The following SI variants were observed in gnomAD, a reference collection of about 807,000 sequenced individuals.
SI encodes the protein sucrase-isomaltase, intestinal.
Under a neutral mutation model 253.3 loss-of-function variants are expected in SI, and 235 were observed. That is an observed-to-expected ratio of 0.93 (90% CI 0.83 to 1.03). SI has a LOEUF of 1.03. SI is among the 50% of genes least tolerant of loss of function. The probability of loss-of-function intolerance (pLI) is 0.00; values close to 1 mark genes in which losing one functional copy is unlikely to be tolerated. For missense variants in SI, 2,442 were observed against 2,211.1 expected, an observed-to-expected ratio of 1.10 and a Z score of -2.09; for synonymous variants, 819 against 712.0, an observed-to-expected ratio of 1.15 and a Z score of -2.39.
At position 165,046,882 on chromosome 3, in the gene SI, T is replaced by C; in HGVS notation, c.1846A>G (p.Ile616Val). The C allele has an allele frequency of 1.9e-6, 3 of 1,613,356 alleles. No individual in the cohort carries two copies. The highest frequency in any genetic ancestry group is 2.5e-6 in the Non-Finnish European group (3 of 1,179,554). Residue 616 changes from isoleucine (I) to valine (V), a missense_variant, in exon 16 of 48, where the codon ATA becomes GTA. Transcript: ENST00000264382. ...TASWEQMEWS[I>V]TGMLEFSLFG... is the part of the protein sequence containing the mutation. ...AAACTGAACTCCAGCATTCCAGTTA[T>C]AGACCATTCCATTTGTTCCCATGAA...
intron 10 of SI, 33 bp from the exon 11 acceptor site, chr3:165,059,332 G>C: frequency 6.2e-7 from 1 of 1,600,912 alleles, no homozygotes; most frequent in Non-Finnish European, 8.6e-7. Flanking sequence ...TCAATACATA[G>C]TACTGAAAGA....
Position 165,062,456 on chromosome 3 carries a change from A to G in SI, c.935T>C (p.Val312Ala). The change falls in exon 9 of 48, where the codon GTA becomes GCA. Residue 312 changes from valine to alanine, a missense_variant. Physicochemically the swap from Val to Ala is moderately conservative, Grantham distance 64. Transcript: ENST00000264382. ...AATGCCACCGGTAACTCTATATGTT[A>G]CTATTGGAGTAGGCTGGATAAAAAT... Reference protein sequence around the residue: ...MEIFIQPTPIVTYRVTGGILD... With the variant: ...MEIFIQPTPIATYRVTGGILD... 1 of 1,599,002 alleles carries G rather than the reference A, an allele frequency of 6.3e-7. No homozygotes were observed.
In SI at chr3:164,998,588, G is replaced by A; in HGVS notation, c.4492C>T (p.Leu1498Phe). The A allele has an allele frequency of 6.2e-7, 1 of 1,612,154 alleles. No homozygotes were observed. Among genetic ancestry groups the A allele is most frequent in the South Asian group, 1.1e-5 (1 of 91,060 alleles). ...TCCCATCGTGCATAGTTGTCTCCAA[G>A]CCAGTGTCCTCCCCATCGTCCACTA... The part of the protein sequence containing the change: ...PTSGRWGGHW[L>F]GDNYARWDNM... The change falls in exon 38 of 48, where the codon CTT (leucine) becomes TTT (phenylalanine). Residue 1498 changes from leucine to phenylalanine, a missense_variant. Physicochemically the swap from Leu to Phe is conservative, Grantham distance 22 (BLOSUM62 0). Transcript: ENST00000264382.
intron 25 of SI, among the ~76,000 whole-genome samples, chr3:165,024,123 T>A (rs115920716): frequency 0.017 from 2,635 of 151,552 alleles, 77 homozygotes; most frequent in African/African-American, 0.06. Flanking sequence ...ACTGTTCATA[T>A]TGATTGTTGA....
Position 165,013,446 on chromosome 3 carries a change from C to A in SI, c.4000-404G>T, listed in dbSNP as rs1174890722. On this transcript the variant is annotated intron_variant, in intron 33 of 47. Coordinates refer to ENST00000264382, the MANE Select transcript of SI (RefSeq NM_001041.4). ...ATAAATCTTTTTGTTTGAAAGGAAGCAAAGATCCGATTGAATAATGTCATG... is the reference window on the plus strand; with the variant it reads ...ATAAATCTTTTTGTTTGAAAGGAAGAAAAGATCCGATTGAATAATGTCATG... 2.6e-5 allele frequency among the ~76,000 whole-genome samples: 4 copies of A among 152,150 alleles called. No individual in the cohort carries two copies. The East Asian group carries it at 7.7e-4, about 29-fold the overall frequency.
chr3:165,007,634 G>A (rs1718575611), intron 36 of SI, among the ~76,000 whole-genome samples: 1 of 151,608 alleles, frequency 6.6e-6, no homozygotes, highest in African/African-American at 2.4e-5. Flanking sequence ...TGTTCATGTA[G>A]ATAAAATATA....
In SI at chr3:165,069,121, A is replaced by G. The variant is rs368763556; in HGVS notation, c.330T>C (p.Asp110=). 2.4e-5 allele frequency: 39 copies of G among 1,613,196 alleles called. No individual in the cohort carries two copies. Among genetic ancestry groups the G allele is most frequent in the Non-Finnish European group, 3.2e-5 (38 of 1,179,442 alleles). ...DSLIPWCFFV[D]NHGYNVQDMT... ...TGTCTTGAACGTTATAACCATGATTATCAACGAAGAAGCACCAAGGAATAA... is the reference window on the plus strand; with the variant it reads ...TGTCTTGAACGTTATAACCATGATTGTCAACGAAGAAGCACCAAGGAATAA... The change falls in exon 4 of 48, where the codon GAT becomes GAC. Residue 110 remains aspartate (D), a synonymous_variant. Coordinates refer to ENST00000264382, the MANE Select transcript of SI (RefSeq NM_001041.4).
upstream of SI, among the ~76,000 whole-genome samples, chr3:165,079,885 T>C (rs1039828253): frequency 9.2e-5 from 14 of 151,792 alleles, no homozygotes; most frequent in African/African-American, 3.1e-4. Context: ...TTTTAAAAAT[T>C]GAGAGATACG....
chr3:165,064,430 T>C (rs1214979002), intron 7 of SI, among the ~76,000 whole-genome samples: 1 of 152,160 alleles, frequency 6.6e-6, no homozygotes, highest in Non-Finnish European at 1.5e-5. Context: ...TTAATAATTC[T>C]GTACCAAATG....
intron 3 of SI, among the ~76,000 whole-genome samples, chr3:165,072,172 G>A (rs1423622388): frequency 6.6e-6 from 1 of 151,538 alleles, no homozygotes; most frequent in Non-Finnish European, 1.5e-5. Flanking sequence ...TTAAATTAAG[G>A]AAATTTTTAG....
At chr3:164,987,860 T>C (rs997129714) in intron 44 of SI, among the ~76,000 whole-genome samples, 17 of 152,310 alleles carry the variant, frequency 1.1e-4, no homozygotes, top group African/African-American at 3.8e-4. Context: ...TCTTGGGTAA[T>C]CCTGTCATTA....
intron 16 of SI, among the ~76,000 whole-genome samples, chr3:165,043,623 A>G (rs1220585010): frequency 7.9e-5 from 12 of 152,012 alleles, no homozygotes; most frequent in Non-Finnish European, 4.4e-5. Flanking sequence ...AATTATTCTG[A>G]ATAAAATTGA....
rs548052715 is a variant in SI at position 165,000,079 on chromosome 3, CTATATGAAAATGTATTTTTGG to C, written c.4407-1427_4407-1407del. Among the ~76,000 whole-genome samples the C allele has an allele frequency of 4.0e-4, 60 of 150,908 alleles. No homozygotes were observed. In the East Asian group the frequency reaches 0.011, roughly 27 times the overall value. ...AATAATTGGTGATAATTCTATAAAT[CTATATGAAAATGTATTTTTGG>C]AGTTCAGTTCATTTGCAAACAAAAT... On this transcript the variant is annotated intron_variant, in intron 37 of 47. Coordinates refer to ENST00000264382, the MANE Select transcript of SI (RefSeq NM_001041.4).
chr3:165,006,947 T>G lies in SI; in HGVS notation c.4275A>C (p.Thr1425=). Residue 1425 remains threonine, a synonymous_variant, in exon 37 of 48, where the codon ACA becomes ACC. Transcript: ENST00000264382. ...LNYPPYFPEL[T]KRTDGLHFRT... ...TGAAATGTAATCCATCAGTTCTTTT[T>G]GTGAGTTCTGGAAAGAATCAATGAA... 6.2e-7 allele frequency: 1 copy of G among 1,607,768 alleles called. No homozygotes were observed. The highest frequency in any genetic ancestry group is 8.5e-7 in the Non-Finnish European group (1 of 1,175,176).
intron 31 of SI, among the ~76,000 whole-genome samples, chr3:165,016,450 G>T (rs1719035358): frequency 6.6e-6 from 1 of 152,008 alleles, no homozygotes; most frequent in Admixed American, 6.6e-5. Flanking sequence ...CTTTTGTACA[G>T]TATATACAGA....
At chr3:165,057,711 A>T (rs1713764476) in intron 12 of SI, among the ~76,000 whole-genome samples, 1 of 152,084 alleles carries the variant, frequency 6.6e-6, no homozygotes, top group East Asian at 1.9e-4. Flanking sequence ...GAAAAAAAAA[A>T]AAAAAACTTT....
At chr3:164,989,253 G>A (rs1347465182) in intron 44 of SI, among the ~76,000 whole-genome samples, 2 of 151,192 alleles carry the variant, frequency 1.3e-5, no homozygotes, top group Non-Finnish European at 3.0e-5. Context: ...GCTGTGGCAG[G>A]GGAATCGCTG....
chr3:165,071,462 T>C (rs1362533539), intron 3 of SI, among the ~76,000 whole-genome samples: 1 of 151,264 alleles, frequency 6.6e-6, no homozygotes, highest in Non-Finnish European at 1.5e-5. Context: ...ACATATTTTA[T>C]CATATATATG....
chr3:165,024,797 T>G (rs1179745975), intron 25 of SI, among the ~76,000 whole-genome samples: 2 of 151,286 alleles, frequency 1.3e-5, no homozygotes, highest in Non-Finnish European at 1.5e-5. Context: ...TTTTCTGCTT[T>G]CTTTACAGCA....
Sources: gnomAD v4.1 joint callset for allele counts (sites outside exome capture counted in the v4.1 genomes callset) on GRCh38, gnomAD v4.1.1 for gene constraint, MANE v1.5 for transcripts, NCBI Gene and HGNC (gene_info 2026-07-23, HGNC 2026-07-21) for gene names.